PTPRD: variants seen among roughly 807,000 people sequenced by gnomAD.
PTPRD encodes receptor-type tyrosine-protein phosphatase delta.
In PTPRD, 34 loss-of-function variants were observed where a neutral mutation model predicts 214.5. The observed-to-expected ratio is 0.16, with a 90% CI of 0.12 to 0.21. The LOEUF (loss-of-function observed/expected upper bound fraction) is 0.21, where lower values mean the gene tolerates loss of function less well. PTPRD is among the 10% of genes least tolerant of loss of function. PTPRD has a pLI of 1.00. For synonymous variants in PTPRD, 1,128 were observed against 845.7 expected, an observed-to-expected ratio of 1.33 and a Z score of -5.79; for missense variants, 2,545 against 2,398.7, an observed-to-expected ratio of 1.06 and a Z score of -1.27.
intron 11 of PTPRD, among the ~76,000 whole-genome samples, chr9:8,925,876 T>TTTTTTA (rs138995243): frequency 2.0e-5 from 3 of 151,500 alleles, no homozygotes; most frequent in Non-Finnish European, 4.4e-5. Context: ...TTTTTTTTTT[T>TTTTTTA]TACTGATCTC....
chr9:9,214,426 A>G (rs1349253064), intron 9 of PTPRD, among the ~76,000 whole-genome samples: 3 of 152,178 alleles, frequency 2.0e-5, no homozygotes, highest in Non-Finnish European at 4.4e-5. Context: ...GGAAGACATC[A>G]TGATGGAACA....
chr9:10,492,084 G>A (rs533782226), intron 2 of PTPRD, among the ~76,000 whole-genome samples: 1 of 152,182 alleles, frequency 6.6e-6, no homozygotes, highest in African/African-American at 2.4e-5. Context: ...TCGTGTACAT[G>A]TGCCACATTG....
At chr9:8,380,365 A>C (rs1241738102) in intron 37 of PTPRD, among the ~76,000 whole-genome samples, 1 of 152,154 alleles carries the variant, frequency 6.6e-6, no homozygotes, top group African/African-American at 2.4e-5. Context: ...TGTCTTCTGA[A>C]AAGAGTATGT....
intron 3 of PTPRD, among the ~76,000 whole-genome samples, chr9:10,105,809 AC>A (rs1202404889): frequency 6.6e-6 from 1 of 151,446 alleles, no homozygotes; most frequent in Non-Finnish European, 1.5e-5. Context: ...TCATGATGCC[AC>A]CATGGAGGCA....
At chr9:10,575,701 C>A (rs1198789585) in intron 2 of PTPRD, among the ~76,000 whole-genome samples, 1 of 152,060 alleles carries the variant, frequency 6.6e-6, no homozygotes, top group Non-Finnish European at 1.5e-5. Context: ...TAGGTCATAT[C>A]TTCAAAAGAG....
intron 3 of PTPRD, among the ~76,000 whole-genome samples, chr9:10,127,207 T>G (rs1431026018): frequency 6.6e-6 from 1 of 152,122 alleles, no homozygotes; most frequent in African/African-American, 2.4e-5. Context: ...CAGGTAGTAG[T>G]GGGACCACTG....
intron 9 of PTPRD, among the ~76,000 whole-genome samples, chr9:9,377,518 T>C (rs1247268905): frequency 6.6e-6 from 1 of 152,286 alleles, no homozygotes; most frequent in South Asian, 2.1e-4. Flanking sequence ...CTCTGTAAGT[T>C]TGGCATTATT....
chr9:9,476,535 A>T (rs1051107300), intron 8 of PTPRD, among the ~76,000 whole-genome samples: 6 of 152,188 alleles, frequency 3.9e-5, no homozygotes, highest in Non-Finnish European at 7.4e-5. Context: ...AGCTTGACAG[A>T]AAACTCATTG....
At chr9:9,142,461 G>A (rs1351441098) in intron 10 of PTPRD, among the ~76,000 whole-genome samples, 1 of 152,204 alleles carries the variant, frequency 6.6e-6, no homozygotes, top group Non-Finnish European at 1.5e-5. Context: ...GTTGCCATCA[G>A]CAACTTCAAA....
intron 37 of PTPRD, among the ~76,000 whole-genome samples, chr9:8,386,456 T>G (rs934962345): frequency 1.3e-5 from 2 of 152,228 alleles, no homozygotes; most frequent in Admixed American, 1.3e-4. Context: ...TAGGAATGAA[T>G]ATTATTTTAA....
chr9:9,292,448 T>C (rs1297687332), intron 9 of PTPRD, among the ~76,000 whole-genome samples: 2 of 119,318 alleles, frequency 1.7e-5, no homozygotes, highest in African/African-American at 5.3e-5. Flanking sequence ...CAAGAGAGTA[T>C]TTTTTTTAAA....
At chr9:9,458,237 G>C (rs2093280929) in intron 8 of PTPRD, among the ~76,000 whole-genome samples, 1 of 151,898 alleles carries the variant, frequency 6.6e-6, no homozygotes, top group Non-Finnish European at 1.5e-5. Context: ...TAATAAATGA[G>C]TAAACAATTC....
chr9:9,002,755 C>A (rs2099428993), intron 11 of PTPRD, among the ~76,000 whole-genome samples: 2 of 152,058 alleles, frequency 1.3e-5, no homozygotes, highest in South Asian at 4.1e-4. Flanking sequence ...ATATCCTAAT[C>A]CCTCTAGGAA....
At chr9:8,850,273 T>C (rs539681114) in intron 11 of PTPRD, among the ~76,000 whole-genome samples, 1 of 152,252 alleles carries the variant, frequency 6.6e-6, no homozygotes, top group East Asian at 1.9e-4. Flanking sequence ...TATGTAGAAA[T>C]TATTGTTTCT....
chr9:8,726,317 G>T (rs2098556771), intron 12 of PTPRD, among the ~76,000 whole-genome samples: 1 of 151,494 alleles, frequency 6.6e-6, no homozygotes, highest in African/African-American at 2.4e-5. Context: ...AGCTGGGTGT[G>T]GTGGCTCACG....
chr9:8,684,966 T>A lies in PTPRD; in HGVS notation c.65-48122A>T, dbSNP rs72700350. 2.8e-3 allele frequency among the ~76,000 whole-genome samples: 426 copies of A among 152,236 alleles called. 1 individual carries two copies. Among genetic ancestry groups the A allele is most frequent in the Admixed American group, 4.1e-3 (63 of 15,290 alleles). On this transcript the variant is annotated intron_variant, in intron 12 of 45. Coordinates refer to ENST00000381196, the MANE Select transcript of PTPRD (RefSeq NM_002839.4). ...ATCAGCTTTCCCCAGTCCGAGTAAATTGCTTTGAGTGAATTTCTGCACCTG... is the reference window on the plus strand; with the variant it reads ...ATCAGCTTTCCCCAGTCCGAGTAAAATGCTTTGAGTGAATTTCTGCACCTG...
chr9:9,154,847 T>C (rs1243833238), intron 10 of PTPRD, among the ~76,000 whole-genome samples: 2 of 152,190 alleles, frequency 1.3e-5, no homozygotes, highest in Non-Finnish European at 2.9e-5. Flanking sequence ...TTTATACCAA[T>C]GTAAAGATTT....
intron 11 of PTPRD, among the ~76,000 whole-genome samples, chr9:8,766,367 G>C (rs1359847459): frequency 6.6e-6 from 1 of 152,036 alleles, no homozygotes; most frequent in Non-Finnish European, 1.5e-5. Context: ...AAGTATGTGT[G>C]AGTGTACCCT....
At chr9:10,609,300 A>C (rs2080321482) in intron 2 of PTPRD, among the ~76,000 whole-genome samples, 1 of 152,076 alleles carries the variant, frequency 6.6e-6, no homozygotes. Context: ...ATTTTCTAAA[A>C]AGACATTAAG....
Sources: gnomAD v4.1 joint callset for allele counts (sites outside exome capture counted in the v4.1 genomes callset) on GRCh38, gnomAD v4.1.1 for gene constraint, MANE v1.5 for transcripts, NCBI Gene and HGNC (gene_info 2026-07-23, HGNC 2026-07-21) for gene names.